Variants in CENPE observed in about 807,000 individuals in gnomAD.
The protein encoded by CENPE is centromere protein E.
Under a neutral mutation model 336.1 loss-of-function variants are expected in CENPE, and 145 were observed. That is an observed-to-expected ratio of 0.43 (90% CI 0.38 to 0.50). The LOEUF (loss-of-function observed/expected upper bound fraction) is 0.50. Ranked by LOEUF, CENPE falls within the 20% of genes least tolerant of loss-of-function variation. The pLI is 0.00. For synonymous variants in CENPE, 1,013 were observed against 984.8 expected (o/e 1.03, Z -0.54); for missense variants, 2,719 against 3,023.3 (o/e 0.90, Z 2.36).
intron 16 of CENPE, among the ~76,000 whole-genome samples, chr4:103,172,177 C>G (rs1284685314): frequency 6.6e-6 from 1 of 151,884 alleles, no homozygotes; most frequent in Non-Finnish European, 1.5e-5. Flanking sequence ...AGGCCAATAT[C>G]CCTGAAGAAC....
At chr4:103,189,008 T>C (rs1199085099) in intron 8 of CENPE, among the ~76,000 whole-genome samples, 3 of 152,156 alleles carry the variant, frequency 2.0e-5, no homozygotes, top group Non-Finnish European at 2.9e-5. Flanking sequence ...GAGAATACTA[T>C]AAACACCTCT....
Position 103,108,961 on chromosome 4 carries a change from T to A in CENPE, c.7853A>T (p.Lys2618Met). 6.2e-7 allele frequency: 1 copy of A among 1,613,890 alleles called. No individual in the cohort carries two copies. Among genetic ancestry groups the A allele is most frequent in the South Asian group, 1.1e-5 (1 of 91,074 alleles). Residue 2618 changes from lysine to methionine, a missense_variant, in exon 48 of 49, where the codon AAG becomes ATG. This residue lies in a region of CENPE where 2,437 missense variants were observed against 2,513.3 expected (regional missense o/e 0.97). Transcript: ENST00000265148. ...SPKVTGTASKKKQITPSQCKE... is the reference protein window; with the variant it reads ...SPKVTGTASKMKQITPSQCKE... ...GCATTGAGAGGGTGTAATTTGTTTC[T>A]TTTTAGAAGCTGTTCCAGTCACTTT...
Position 103,174,827 on chromosome 4 carries a change from G to C in CENPE, c.1556C>G (p.Thr519Arg). The C allele has an allele frequency of 6.5e-7, 1 of 1,541,038 alleles. No homozygotes were observed. Among genetic ancestry groups the C allele is most frequent in the South Asian group, 1.2e-5 (1 of 80,410 alleles). ...NLVLDYEQLR[T>R]EKEEMELKLK... ...TTTCAATTCCATTTCTTCTTTTTCT[G>C]TTCGTAGTTGTTCATAGTCTAATAC... Residue 519 changes from threonine to arginine, a missense_variant, in exon 16 of 49, where the codon ACA becomes AGA. By Grantham distance (71) the Thr-to-Arg change is moderately conservative. Coordinates refer to ENST00000265148, the MANE Select transcript of CENPE (RefSeq NM_001813.3).
intron 34 of CENPE, among the ~76,000 whole-genome samples, chr4:103,142,153 T>C (rs1410381226): frequency 6.6e-6 from 1 of 152,242 alleles, no homozygotes; most frequent in Non-Finnish European, 1.5e-5. Flanking sequence ...CGATATATTG[T>C]TCATATTTAC....
intron 39 of CENPE, among the ~76,000 whole-genome samples, chr4:103,137,757 T>C (rs1211618415): frequency 6.6e-6 from 1 of 152,236 alleles, no homozygotes; most frequent in Non-Finnish European, 1.5e-5. Context: ...GCCAGGATGA[T>C]CTCTGCCTGG....
chr4:103,140,232 A>G, intron 37 of CENPE, 24 bp downstream of exon 37: 1 of 1,570,448 alleles, frequency 6.4e-7, no homozygotes, highest in South Asian at 1.2e-5. Context: ...GTTACTTCCA[A>G]AAGAAGAACA....
At chr4:103,127,156 C>T (rs1280619704) in intron 42 of CENPE, among the ~76,000 whole-genome samples, 1 of 124,902 alleles carries the variant, frequency 8.0e-6, no homozygotes, top group Non-Finnish European at 1.7e-5. Context: ...CAAAAAACAA[C>T]ATCTAAGCAT....
intron 9 of CENPE, 64 bp from the exon 10 acceptor site, chr4:103,183,352 A>G: frequency 7.6e-7 from 1 of 1,314,648 alleles, no homozygotes; most frequent in Non-Finnish European, 1.1e-6. Context: ...AAACTTATTT[A>G]TCACTAAGTT....
chr4:103,138,276 A>G, intron 39 of CENPE, 75 bp downstream of exon 39: 2 of 954,864 alleles, frequency 2.1e-6, no homozygotes, highest in Non-Finnish European at 3.4e-6. Context: ...AGGTTCCTTC[A>G]ATCCCACTTC....
intron 42 of CENPE, among the ~76,000 whole-genome samples, chr4:103,124,015 A>G (rs979818477): frequency 6.6e-6 from 1 of 152,240 alleles, no homozygotes; most frequent in Admixed American, 6.5e-5. Flanking sequence ...AACTTTTACT[A>G]TAGTATATTG....
chr4:103,105,923 G>T lies in CENPE; in HGVS notation c.*299C>A, dbSNP rs80035166. On this transcript the variant is annotated 3_prime_UTR_variant, in exon 49 of 49. Coordinates refer to ENST00000265148, the MANE Select transcript of CENPE (RefSeq NM_001813.3). ...TGTATTATGCTTTGGAATATGCTAA[G>T]TCATGTAGATAACTTTACATTTCTT... 1.2e-3 allele frequency: 238 copies of T among 199,932 alleles called. No individual in the cohort carries two copies. Among genetic ancestry groups the T allele is most frequent in the African/African-American group, 5.2e-3 (226 of 43,530 alleles). The allele number at this position is 199,932 out of a possible 1,614,324, so 12.4% of individuals were successfully genotyped here. A position where few individuals can be genotyped will look rare whatever the true frequency, so the allele number is the denominator to read the frequency against.
intron 39 of CENPE, 75 bp from the exon 40 acceptor site, chr4:103,136,434 T>A: frequency 9.8e-7 from 1 of 1,016,928 alleles, no homozygotes; most frequent in East Asian, 2.6e-5. Flanking sequence ...AACTCTAGAA[T>A]TGTAACAAAA....
At chr4:103,111,947 A>C (rs1749470176) in intron 46 of CENPE, among the ~76,000 whole-genome samples, 1 of 151,924 alleles carries the variant, frequency 6.6e-6, no homozygotes, top group Admixed American at 6.6e-5. Flanking sequence ...TTTTACCCAC[A>C]ACTTTCGGTT....
chr4:103,174,819 CT>C lies in CENPE; in HGVS notation c.1563del (p.Glu522LysfsTer5). 6.5e-7 allele frequency: 1 copy of C among 1,550,380 alleles called. No homozygotes were observed. The highest frequency in any genetic ancestry group is 8.7e-7 in the Non-Finnish European group (1 of 1,147,860). On this transcript the variant is annotated frameshift_variant, in exon 16 of 49. Transcript: ENST00000265148. LOFTEE classifies it high-confidence loss of function. ...TCTTTTAATTTCAATTCCATTTCTTCTTTTTCTGTTCGTAGTTGTTCATAGT... is the reference window on the plus strand; with the variant it reads ...TCTTTTAATTTCAATTCCATTTCTTCTTTTCTGTTCGTAGTTGTTCATAGT... ...VLDYEQLRTE[K>X]EEMELKLKEK...
intron 18 of CENPE, 81 bp downstream of exon 18, chr4:103,163,056 G>A (rs1369337519): frequency 8.7e-7 from 1 of 1,143,906 alleles, no homozygotes; most frequent in South Asian, 1.7e-5. Context: ...CACAAAGTAG[G>A]TCCAGTATAA....
intron 38 of CENPE, among the ~76,000 whole-genome samples, chr4:103,138,769 C>T (rs958056901): frequency 2.0e-5 from 3 of 152,122 alleles, no homozygotes; most frequent in East Asian, 3.9e-4. Flanking sequence ...TTTAGGAGAT[C>T]GAGGCAGGAG....
chr4:103,143,558 T>C, intron 33 of CENPE, 152 bp from the exon 34 acceptor site: 2 of 604,486 alleles, frequency 3.3e-6, no homozygotes, highest in Non-Finnish European at 5.8e-6. Context: ...CAATACATTC[T>C]AGATACACTA....
At chr4:103,166,975 T>C (rs1404406162) in intron 16 of CENPE, among the ~76,000 whole-genome samples, 1 of 152,202 alleles carries the variant, frequency 6.6e-6, no homozygotes, top group Non-Finnish European at 1.5e-5. Flanking sequence ...TCTCTTAACG[T>C]GTAGCCTAAT....
At chr4:103,118,796 GC>G (rs2125859451) in intron 44 of CENPE, among the ~76,000 whole-genome samples, 1 of 152,272 alleles carries the variant, frequency 6.6e-6, no homozygotes, top group South Asian at 2.1e-4. Flanking sequence ...CCATTGAGAA[GC>G]CTTTGTTTCC....
Sources: gnomAD v4.1 joint callset for allele counts (sites outside exome capture counted in the v4.1 genomes callset) on GRCh38, gnomAD v4.1.1 for gene constraint, gnomAD v4.1.1 regional missense constraint, MANE v1.5 for transcripts, NCBI Gene and HGNC (gene_info 2026-07-23, HGNC 2026-07-21) for gene names.